Variants in CNTN4 observed in about 807,000 individuals in gnomAD.
CNTN4 encodes contactin-4.
CNTN4 carries 77 observed loss-of-function variants against 122.5 expected under a neutral mutation model. The observed-to-expected ratio is 0.63, with a 90% CI of 0.52 to 0.76. The LOEUF (loss-of-function observed/expected upper bound fraction) is 0.76, where lower values mean the gene tolerates loss of function less well. CNTN4 is among the 30% of genes least tolerant of loss of function. The pLI is 0.00. For synonymous variants in CNTN4, 512 were observed against 447.0 expected (o/e 1.15, Z -1.83); for missense variants, 1,256 against 1,259.1 (o/e 1.00, Z 0.04).
At chr3:2,198,310 A>G (rs2037941728) in intron 2 of CNTN4, among the ~76,000 whole-genome samples, 1 of 152,188 alleles carries the variant, frequency 6.6e-6, no homozygotes, top group South Asian at 2.1e-4. Context: ...ATGACTTTGG[A>G]TGATGAGTCG....
At chr3:2,400,421 A>AT (rs1559519849) in intron 3 of CNTN4, among the ~76,000 whole-genome samples, 9 of 59,244 alleles carry the variant, frequency 1.5e-4, no homozygotes, top group Non-Finnish European at 2.7e-4. Flanking sequence ...ATATATATAT[A>AT]TATATACATA....
chr3:2,715,985 A>G (rs2087472598), intron 4 of CNTN4, among the ~76,000 whole-genome samples: 1 of 152,090 alleles, frequency 6.6e-6, no homozygotes, highest in South Asian at 2.1e-4. Context: ...CTTTTTCGAG[A>G]AAGGGTCTCA....
At chr3:2,364,920 A>G (rs550123578) in intron 3 of CNTN4, among the ~76,000 whole-genome samples, 1 of 152,316 alleles carries the variant, frequency 6.6e-6, no homozygotes, top group East Asian at 1.9e-4. Context: ...ACAAGATAAT[A>G]TTAATAATAG....
intron 3 of CNTN4, among the ~76,000 whole-genome samples, chr3:2,464,368 G>A (rs1230489742): frequency 2.0e-5 from 3 of 152,154 alleles, no homozygotes; most frequent in Non-Finnish European, 4.4e-5. Context: ...TAGTCTTTTT[G>A]GTTTGTTGTG....
intron 4 of CNTN4, among the ~76,000 whole-genome samples, chr3:2,607,610 C>CTACACACACACACACACACA (rs10530695): frequency 6.9e-6 from 1 of 145,374 alleles, no homozygotes; most frequent in South Asian, 2.3e-4. Flanking sequence ...ACATATGCAT[C>CTACACACACACACACACACA]CACACACACA....
At chr3:2,320,760 C>T (rs2043250247) in intron 2 of CNTN4, among the ~76,000 whole-genome samples, 1 of 152,050 alleles carries the variant, frequency 6.6e-6, no homozygotes, top group Admixed American at 6.6e-5. Context: ...AATGCCAGTA[C>T]ATAGGAAAAA....
intron 2 of CNTN4, among the ~76,000 whole-genome samples, chr3:2,229,738 A>G (rs62247017): frequency 0.2 from 30,151 of 152,094 alleles, 3,523 homozygotes; most frequent in South Asian, 0.38. Context: ...TTTGTAATCA[A>G]TGCCTCATTT....
At chr3:2,544,935 G>A (rs552233656) in intron 3 of CNTN4, among the ~76,000 whole-genome samples, 81 of 151,818 alleles carry the variant, frequency 5.3e-4, no homozygotes, top group African/African-American at 1.8e-3. Context: ...TTTGTTCTTT[G>A]TTCTCTATTT....
intron 6 of CNTN4, among the ~76,000 whole-genome samples, chr3:2,769,576 T>G (rs2091001471): frequency 6.6e-6 from 1 of 152,200 alleles, no homozygotes; most frequent in African/African-American, 2.4e-5. Flanking sequence ...GTTCTGTCTT[T>G]TATGTATTGA....
intron 13 of CNTN4, among the ~76,000 whole-genome samples, chr3:2,964,175 T>C (rs1306736706): frequency 2.0e-5 from 3 of 152,188 alleles, no homozygotes; most frequent in African/African-American, 7.2e-5. Context: ...ATATGTGAGC[T>C]TTTCCTCTCA....
intron 4 of CNTN4, among the ~76,000 whole-genome samples, chr3:2,724,609 T>C (rs1332147879): frequency 6.6e-6 from 1 of 152,066 alleles, no homozygotes; most frequent in Non-Finnish European, 1.5e-5. Context: ...AAGACAGAAG[T>C]AGGGTACTTT....
chr3:2,536,933 T>C (rs2077832407), intron 3 of CNTN4, among the ~76,000 whole-genome samples: 2 of 152,124 alleles, frequency 1.3e-5, no homozygotes, highest in South Asian at 4.1e-4. Context: ...AGAATATTGC[T>C]TAAAATTTTC....
chr3:2,681,530 G>A (rs2085165540), intron 4 of CNTN4, among the ~76,000 whole-genome samples: 1 of 152,082 alleles, frequency 6.6e-6, no homozygotes, highest in African/African-American at 2.4e-5. Context: ...TCACTGGCCT[G>A]CCTGAATTAC....
intron 5 of CNTN4, among the ~76,000 whole-genome samples, chr3:2,743,914 G>T (rs2089607655): frequency 6.6e-6 from 1 of 152,032 alleles, no homozygotes; most frequent in South Asian, 2.1e-4. Context: ...AGGTTCAAGT[G>T]GTCCTCCCAC....
Position 3,041,654 on chromosome 3 carries a change from A to G in CNTN4, c.2399-656A>G, listed in dbSNP as rs143344124. Among the ~76,000 whole-genome samples the G allele has an allele frequency of 4.9e-4, 75 of 152,278 alleles. 1 individual carries two copies. The highest frequency in any genetic ancestry group is 1.8e-3 in the African/African-American group (74 of 41,544). On this transcript the variant is annotated intron_variant, in intron 20 of 24. Transcript: ENST00000418658. ...TGTATATGTTCACATTTTTCTTTCAATAGTCTTCCTTAAAAAAAATTTAGT... is the reference window on the plus strand; with the variant it reads ...TGTATATGTTCACATTTTTCTTTCAGTAGTCTTCCTTAAAAAAAATTTAGT...
chr3:2,749,309 C>A (rs2089970803), intron 6 of CNTN4, among the ~76,000 whole-genome samples: 1 of 150,594 alleles, frequency 6.6e-6, no homozygotes, highest in African/African-American at 2.4e-5. Context: ...TACAGGCTCA[C>A]ACCACCATGC....
At chr3:2,520,402 A>C (rs2077170435) in intron 3 of CNTN4, among the ~76,000 whole-genome samples, 1 of 150,204 alleles carries the variant, frequency 6.7e-6, no homozygotes, top group South Asian at 2.1e-4. Context: ...CCTCCTGGGT[A>C]GCTGGGATTA....
intron 7 of CNTN4, among the ~76,000 whole-genome samples, chr3:2,832,114 C>T (rs2093118716): frequency 6.6e-6 from 1 of 152,206 alleles, no homozygotes; most frequent in Non-Finnish European, 1.5e-5. Context: ...TGCAAGCCAG[C>T]ACTCCTTCTA....
At chr3:2,506,229 A>T (rs2076727718) in intron 3 of CNTN4, among the ~76,000 whole-genome samples, 1 of 152,184 alleles carries the variant, frequency 6.6e-6, no homozygotes, top group Non-Finnish European at 1.5e-5. Context: ...TTCATAGTTG[A>T]TGGAAGTGAT....
Sources: allele counts gnomAD v4.1 joint callset (sites outside exome capture counted in the v4.1 genomes callset), GRCh38; gene constraint gnomAD v4.1.1; transcripts MANE v1.5; gene names NCBI Gene and HGNC (gene_info 2026-07-23, HGNC 2026-07-21).